SORBS2: variants seen among roughly 807,000 people sequenced by gnomAD.
SORBS2 encodes sorbin and SH3 domain-containing protein 2.
Under a neutral mutation model 97.7 loss-of-function variants are expected in SORBS2, and 46 were observed. The observed-to-expected ratio is 0.47, with a 90% confidence interval of 0.37 to 0.60. SORBS2 has a LOEUF of 0.60. SORBS2 is among the 20% of genes least tolerant of loss of function. The pLI, the probability that SORBS2 is intolerant of heterozygous loss-of-function variation, is 0.00. For missense variants in SORBS2, 1,316 were observed against 1,282.3 expected, an observed-to-expected ratio of 1.03 and a Z score of -0.40; for synonymous variants, 476 against 473.4, an observed-to-expected ratio of 1.01 and a Z score of -0.07.
At chr4:185,718,275 C>T (rs79448898) in intron 2 of SORBS2, among the ~76,000 whole-genome samples, 10,608 of 151,858 alleles carry the variant, frequency 0.07, 512 homozygotes, top group African/African-American at 0.14. Flanking sequence ...AAATAGCTGG[C>T]GCAGAACAAA....
chr4:185,759,229 A>T (rs575991989), intron 2 of SORBS2, among the ~76,000 whole-genome samples: 6 of 152,352 alleles, frequency 3.9e-5, no homozygotes, highest in Admixed American at 3.9e-4. Flanking sequence ...CTTCTCGCTT[A>T]AAGATATGGA....
At chr4:185,790,321 C>T (rs762390448) in intron 1 of SORBS2, among the ~76,000 whole-genome samples, 1 of 152,100 alleles carries the variant, frequency 6.6e-6, no homozygotes, top group Non-Finnish European at 1.5e-5. Flanking sequence ...ATGTATTATT[C>T]GATCAGTCTA....
intron 1 of SORBS2, among the ~76,000 whole-genome samples, chr4:185,945,949 G>C (rs994216310): frequency 6.6e-6 from 1 of 152,216 alleles, no homozygotes; most frequent in African/African-American, 2.4e-5. Context: ...CATGGCAATG[G>C]GGCAGAGGCT....
rs187023599 is a variant in SORBS2 at position 185,865,790 on chromosome 4, G to A, written c.-338+90406C>T. Among the ~76,000 whole-genome samples, 374 of 152,338 alleles carry A rather than the reference G, an allele frequency of 2.5e-3. 2 individuals are homozygous for A. Among genetic ancestry groups the A allele is most frequent in the Non-Finnish European group, 2.9e-3 (200 of 68,034 alleles). Reference sequence around the variant, plus strand: ...AGCTGTGGCACCATCGGGTTTTAAAGTCTGCTCCCAATTTTTTATCAGATA... The same window carrying A: ...AGCTGTGGCACCATCGGGTTTTAAAATCTGCTCCCAATTTTTTATCAGATA... On this transcript the variant is annotated intron_variant, in intron 1 of 20. Coordinates refer to the SORBS2 transcript ENST00000284776.
rs1401875946 is a variant in SORBS2, at chr4:185,607,294, T to G, written c.2796+4486A>C. 12 of 1,284,130 alleles carry G rather than the reference T, an allele frequency of 9.3e-6. No individual in the cohort carries two copies. Among genetic ancestry groups the G allele is most frequent in the African/African-American group, 3.1e-5 (2 of 65,290 alleles). The allele number at this position is 1,284,130 out of a possible 1,614,324, so 79.5% of individuals were successfully genotyped here. On this transcript the variant is annotated intron_variant, in intron 12 of 14. Coordinates refer to ENST00000418609, the Ensembl canonical transcript of SORBS2. This position sits in a 1 kb window ranked among gnomAD's most constrained non-coding sequence, Gnocchi z 5.2. ...GCCAGTTCCCTGGAGAGCTCCTTTA[T>G]CTGAGCCAGGTGAGACTTTGTGGGT...
At chr4:185,828,219 G>A (rs1379670980) in intron 1 of SORBS2, among the ~76,000 whole-genome samples, 1 of 152,172 alleles carries the variant, frequency 6.6e-6, no homozygotes, top group Non-Finnish European at 1.5e-5. Context: ...GCCACAGGAT[G>A]CTATGGTGCT....
At chr4:185,759,233 A>G (rs1464183767) in intron 2 of SORBS2, among the ~76,000 whole-genome samples, 1 of 152,228 alleles carries the variant, frequency 6.6e-6, no homozygotes, top group Non-Finnish European at 1.5e-5. Context: ...TCGCTTAAAG[A>G]TATGGAGTAG....
chr4:185,773,064 A>C (rs1037645144), intron 2 of SORBS2: 1 of 143,786 alleles, frequency 7.0e-6, no homozygotes, highest in Non-Finnish European at 1.5e-5. Flanking sequence ...GAAAAAAAAA[A>C]CAAAACAAAA....
intron 1 of SORBS2, among the ~76,000 whole-genome samples, chr4:185,895,687 G>T (rs1337975802): frequency 6.6e-6 from 1 of 152,226 alleles, no homozygotes; most frequent in African/African-American, 2.4e-5. Flanking sequence ...GAGAATGAAG[G>T]ACTAGGGTTC....
intron 1 of SORBS2, among the ~76,000 whole-genome samples, chr4:185,951,244 A>G (rs1265514795): frequency 6.6e-6 from 1 of 152,212 alleles, no homozygotes; most frequent in Admixed American, 6.5e-5. Flanking sequence ...TTCTCAGTCC[A>G]TACAAGCATT....
chr4:185,608,178 T>G (rs888833811), intron 12 of SORBS2, among the ~76,000 whole-genome samples: 3 of 152,202 alleles, frequency 2.0e-5, no homozygotes, highest in Non-Finnish European at 2.9e-5. Flanking sequence ...GCCCAATCTT[T>G]TAAACGCTGA....
chr4:185,867,467 T>A (rs532813683), intron 1 of SORBS2, among the ~76,000 whole-genome samples: 2 of 152,246 alleles, frequency 1.3e-5, no homozygotes, highest in Non-Finnish European at 2.9e-5. Flanking sequence ...GTGGACGGAC[T>A]TCCTGTCATG....
At chr4:185,721,835 C>T (rs115868946) in intron 2 of SORBS2, among the ~76,000 whole-genome samples, 14 of 152,204 alleles carry the variant, frequency 9.2e-5, no homozygotes, top group Non-Finnish European at 2.1e-4. Flanking sequence ...TTAGGAATTA[C>T]AGACTTTGGT....
chr4:185,926,816 A>G (rs1214264913), intron 1 of SORBS2, among the ~76,000 whole-genome samples: 1 of 152,132 alleles, frequency 6.6e-6, no homozygotes, highest in African/African-American at 2.4e-5. Flanking sequence ...TCATCACTTT[A>G]GAGCACACGG....
intron 2 of SORBS2, among the ~76,000 whole-genome samples, chr4:185,768,674 G>A (rs966362840): frequency 1.4e-5 from 2 of 143,090 alleles, no homozygotes; most frequent in Non-Finnish European, 3.0e-5. Flanking sequence ...ACTCCAGCTT[G>A]GGCAACAGAG....
intron 1 of SORBS2, among the ~76,000 whole-genome samples, chr4:185,868,159 C>CTTTTTTTTTTTTTTTTTTTTTTTT (rs112680775): frequency 5.7e-5 from 6 of 105,220 alleles, no homozygotes; most frequent in African/African-American, 1.6e-4. Flanking sequence ...TTTTTTCTTT[C>CTTTTTTTTTTTTTTTTTTTTTTTT]TTTTTTTTTT....
At chr4:185,666,112 G>A in intron 4 of SORBS2, 1 of 1,289,816 alleles carries the variant, frequency 7.8e-7, no homozygotes, top group Non-Finnish European at 1.0e-6. Flanking sequence ...TACCACGGAA[G>A]GAGGGCACGG....
At chr4:185,803,610 A>C (rs2099140742) in intron 1 of SORBS2, among the ~76,000 whole-genome samples, 1 of 152,154 alleles carries the variant, frequency 6.6e-6, no homozygotes, top group South Asian at 2.1e-4. Context: ...TAAATCTAAA[A>C]ATTAATTGAA....
chr4:185,838,711 C>T (rs2099209692), intron 1 of SORBS2, among the ~76,000 whole-genome samples: 1 of 152,154 alleles, frequency 6.6e-6, no homozygotes, highest in African/African-American at 2.4e-5. Context: ...GCTATCTCCT[C>T]GCATACAGTA....
Sources: gnomAD v4.1 joint callset for allele counts (sites outside exome capture counted in the v4.1 genomes callset) on GRCh38, gnomAD v4.1.1 for gene constraint, Gnocchi (gnomAD v3.1) non-coding constraint, MANE v1.5 for transcripts, NCBI Gene and HGNC (gene_info 2026-07-23, HGNC 2026-07-21) for gene names.